The following PPP1R9B variants were observed in gnomAD, a reference collection of about 807,000 sequenced individuals.
The protein encoded by PPP1R9B is neurabin-2.
A neutral mutation model predicts 75.8 loss-of-function variants in PPP1R9B; 17 were observed. That is an observed-to-expected ratio of 0.22 (90% CI 0.15 to 0.34). The LOEUF (loss-of-function observed/expected upper bound fraction) is 0.34, where lower values mean the gene tolerates loss of function less well. Ranked by LOEUF, PPP1R9B falls within the 10% of genes least tolerant of loss-of-function variation. PPP1R9B has a pLI of 1.00. For synonymous variants in PPP1R9B, 509 were observed against 535.4 expected, an observed-to-expected ratio of 0.95 and a Z score of 0.68; for missense variants, 875 against 1,196.0, an observed-to-expected ratio of 0.73 and a Z score of 3.96.
chr17:50,140,343 A>T, intron 4 of PPP1R9B, 115 bp from the exon 5 acceptor site: 1 of 1,328,644 alleles, frequency 7.5e-7, no homozygotes, highest in Non-Finnish European at 1.0e-6. Flanking sequence ...GAGAGATGAG[A>T]GGGCTGAGTC....
At position 50,149,423 on chromosome 17, in the gene PPP1R9B, C is replaced by T. The variant is rs370046196; in HGVS notation, c.1091G>A (p.Arg364Lys). 2 of 1,610,104 alleles carry T rather than the reference C, an allele frequency of 1.2e-6. No individual in the cohort carries two copies. Among genetic ancestry groups the T allele is most frequent in the Admixed American group, 3.4e-5 (2 of 59,662 alleles). Reference protein sequence around the residue: ...KEAAAVAPPERGVGNGRAPDV... With the variant: ...KEAAAVAPPEKGVGNGRAPDV... ...CGGGGCCCGGCCATTGCCCACCCCC[C>T]TCTCTGGCGGCGCTACCGCCGCCGC... The change falls in exon 1 of 10, where the codon AGG (arginine) becomes AAG (lysine). Residue 364 changes from arginine to lysine, a missense_variant. Arg to Lys is a conservative substitution (Grantham distance 26, BLOSUM62 2). This residue lies in a region of PPP1R9B where 449 missense variants were observed against 475.0 expected (regional missense o/e 0.95). Transcript: ENST00000612501. This position sits in a 1 kb window ranked among gnomAD's most constrained non-coding sequence, Gnocchi z 7.2.
Position 50,149,548 on chromosome 17 carries a change from C to G in PPP1R9B, c.966G>C (p.Glu322Asp). ...ESAPGEVIQA[E>D]VTVHAALENG... Reference sequence around the variant, plus strand: ...TCTCCAGGGCCGCGTGGACCGTAACCTCGGCCTGGATCACCTCCCCGGGCG... The same window carrying G: ...TCTCCAGGGCCGCGTGGACCGTAACGTCGGCCTGGATCACCTCCCCGGGCG... Residue 322 changes from glutamate to aspartate, a missense_variant, in exon 1 of 10, where the codon GAG (glutamate) becomes GAC (aspartate). Around this residue, in one of 4 missense-constraint regions of PPP1R9B, gnomAD observed 449 missense variants for 475.0 expected, o/e 0.95. Coordinates refer to ENST00000612501, the MANE Select transcript of PPP1R9B (RefSeq NM_032595.5). This position sits in a 1 kb window ranked among gnomAD's most constrained non-coding sequence, Gnocchi z 7.2. The G allele has an allele frequency of 6.3e-7, 1 of 1,590,738 alleles. No homozygotes were observed. Among genetic ancestry groups the G allele is most frequent in the Non-Finnish European group, 8.5e-7 (1 of 1,171,022 alleles).
chr17:50,135,173 C>A lies in PPP1R9B; in HGVS notation c.*158G>T. 3.1e-6 allele frequency: 2 copies of A among 641,686 alleles called. No individual in the cohort carries two copies. Among genetic ancestry groups the A allele is most frequent in the South Asian group, 3.6e-5 (2 of 56,224 alleles). 39.7% of individuals were successfully genotyped at this position (641,686 alleles called of 1,614,324 possible). ...TCTTAAGGGGGCCTGTGATATGAGC[C>A]CTCTGGTCCCTGAAGCTGGGGGAGG... is the stretch of plus-strand genomic sequence containing the variant. On this transcript the variant is annotated 3_prime_UTR_variant, in exon 10 of 10. Transcript: ENST00000612501.
At chr17:50,140,414 A>T (rs1433717641) in intron 4 of PPP1R9B, 186 bp from the exon 5 acceptor site, 7 of 784,318 alleles carry the variant, frequency 8.9e-6, no homozygotes, top group Non-Finnish European at 1.4e-5. Context: ...TTTCCTTCCC[A>T]AGGGAGGCAG....
At chr17:50,141,512 A>C in intron 3 of PPP1R9B, 139 bp from the exon 4 acceptor site, 1 of 544,614 alleles carries the variant, frequency 1.8e-6, no homozygotes. Flanking sequence ...TAAAAAGAAA[A>C]ATTAGCTGGG....
Position 50,149,832 on chromosome 17 carries a change from G to A in PPP1R9B, c.682C>T (p.Pro228Ser), listed in dbSNP as rs1912636865. The change falls in exon 1 of 10, where the codon CCC (proline) becomes TCC (serine). Residue 228 changes from proline (P) to serine (S), a missense_variant. Pro to Ser is a moderately conservative substitution (Grantham distance 74, BLOSUM62 -1). Coordinates refer to ENST00000612501, the MANE Select transcript of PPP1R9B (RefSeq NM_032595.5). The surrounding 1 kb of genome is among the most constrained non-coding windows in gnomAD (Gnocchi z 7.2). ...ACCCCTGCGGCCCTGGGGAGCCCGGGCCCGCGGTGGAGGCCGGTCCTCGAG... is the reference window on the plus strand; with the variant it reads ...ACCCCTGCGGCCCTGGGGAGCCCGGACCCGCGGTGGAGGCCGGTCCTCGAG... The part of the protein sequence containing the change: ...ADSRTGLHRG[P>S]GLPRAAGVPQ... The A allele has an allele frequency of 1.4e-6, 2 of 1,464,538 alleles. No individual in the cohort carries two copies. The allele number at this position is 1,464,538 out of a possible 1,614,324, so 90.7% of individuals were successfully genotyped here.
intron 3 of PPP1R9B, 71 bp downstream of exon 3, chr17:50,143,527 T>A: frequency 6.4e-7 from 1 of 1,566,374 alleles, no homozygotes; most frequent in Non-Finnish European, 8.7e-7. Flanking sequence ...CCCTGCTCAG[T>A]GGCCCACCCC....
At position 50,141,301 on chromosome 17, in the gene PPP1R9B, C is replaced by T. The variant is rs545561188; in HGVS notation, c.1698G>A (p.Ala566=). Residue 566 remains alanine (A), a synonymous_variant, in exon 4 of 10, where the codon GCG becomes GCA. Coordinates refer to ENST00000612501, the MANE Select transcript of PPP1R9B (RefSeq NM_032595.5). ...SLVGVTQSFA[A]SVLRNTKGRV... ...GGCCCTTGGTGTTCCGGAGCACAGA[C>T]GCCGCGAAGCTCTGGGTCACTCCCA... is the stretch of plus-strand genomic sequence containing the variant. 40 of 1,590,424 alleles carry T rather than the reference C, an allele frequency of 2.5e-5. No individual in the cohort carries two copies. The highest frequency in any genetic ancestry group is 1.6e-4 in the Admixed American group (9 of 57,608).
intron 7 of PPP1R9B, among the ~76,000 whole-genome samples, chr17:50,136,658 T>TGTTCA (rs1475864748): frequency 6.6e-6 from 1 of 152,152 alleles, no homozygotes; most frequent in Non-Finnish European, 1.5e-5. Flanking sequence ...TCTGCACTTG[T>TGTTCA]GGCTTCCTGA....
chr17:50,144,537 C>T (rs2144451392), intron 2 of PPP1R9B, among the ~76,000 whole-genome samples: 1 of 152,312 alleles, frequency 6.6e-6, no homozygotes, highest in South Asian at 2.1e-4. Context: ...TGCAAGGCCT[C>T]ATTTGCATGC....
chr17:50,149,110 C>T lies in PPP1R9B; in HGVS notation c.1371+33G>A. The T allele has an allele frequency of 7.6e-7, 1 of 1,318,658 alleles. No individual in the cohort carries two copies. The highest frequency in any genetic ancestry group is 9.8e-7 in the Non-Finnish European group (1 of 1,021,688). 81.7% of individuals were successfully genotyped at this position (1,318,658 alleles called of 1,614,324 possible). On this transcript the variant is annotated intron_variant, in intron 1 of 9. Transcript: ENST00000612501. The surrounding 1 kb of genome is among the most constrained non-coding windows in gnomAD (Gnocchi z 7.2). ...GGCGGCCGCGTGCACGTGGCAGGGG[C>T]GGCGCGGGGGCAGGGCGGGGGGGCT...
rs577286176 is a variant in PPP1R9B at position 50,148,624 on chromosome 17, G to T, written c.1371+519C>A. 3.3e-5 allele frequency among the ~76,000 whole-genome samples: 5 copies of T among 152,348 alleles called. No homozygotes were observed. The South Asian group carries it at 1.0e-3, about 32-fold the overall frequency. On this transcript the variant is annotated intron_variant, in intron 1 of 9. Coordinates refer to ENST00000612501, the MANE Select transcript of PPP1R9B (RefSeq NM_032595.5). ...TGGGGGTACAAACAGAATAGAGGAA[G>T]GGCTGCCTGCGGTCCCCTGCAGCTT...
chr17:50,147,275 C>T (rs1912540330), intron 1 of PPP1R9B, among the ~76,000 whole-genome samples: 1 of 152,234 alleles, frequency 6.6e-6, no homozygotes, highest in African/African-American at 2.4e-5. Context: ...TCCCTGAGGC[C>T]AAGCTGGAAT....
chr17:50,150,498 G>A lies in PPP1R9B; in HGVS notation c.16C>T (p.Pro6Ser). 7.4e-7 allele frequency: 1 copy of A among 1,353,042 alleles called. No homozygotes were observed. Among genetic ancestry groups the A allele is most frequent in the East Asian group, 3.1e-5 (1 of 32,226 alleles). 83.8% of individuals were successfully genotyped at this position (1,353,042 alleles called of 1,614,324 possible). The stretch of plus-strand genomic sequence containing the variant: ...CGGAGGGGACCCCCGGGCCCCCGTG[G>A]CTCCGTCTTCATCATGGTGGGGGGA... MMKTE[P>S]RGPGGPLRSA... The change falls in exon 1 of 10, where the codon CCA becomes TCA. Residue 6 changes from proline to serine, a missense_variant. Around this residue, in one of 4 missense-constraint regions of PPP1R9B, gnomAD observed 145 missense variants for 226.1 expected, o/e 0.64. Coordinates refer to ENST00000612501, the MANE Select transcript of PPP1R9B (RefSeq NM_032595.5). This position sits in a 1 kb window ranked among gnomAD's most constrained non-coding sequence, Gnocchi z 8.7.
chr17:50,144,598 C>G (rs1912467596), intron 2 of PPP1R9B, among the ~76,000 whole-genome samples: 1 of 152,200 alleles, frequency 6.6e-6, no homozygotes, highest in African/African-American at 2.4e-5. Context: ...CCTGACTACT[C>G]CCCTAATTCC....
chr17:50,147,463 G>C (rs539297717), intron 1 of PPP1R9B, among the ~76,000 whole-genome samples: 1 of 152,298 alleles, frequency 6.6e-6, no homozygotes, highest in Non-Finnish European at 1.5e-5. Context: ...CAGCCACACT[G>C]GGCCCGCCAC....
intron 2 of PPP1R9B, 30 bp downstream of exon 2, chr17:50,145,083 C>A (rs151184270): frequency 1.2e-6 from 2 of 1,611,312 alleles, no homozygotes; most frequent in Admixed American, 3.3e-5. Flanking sequence ...CCCAGCTGTG[C>A]GCAAGTGACG....
At position 50,140,325 on chromosome 17, in the gene PPP1R9B, CA is replaced by C. The variant is rs1912341939; in HGVS notation, c.1731-98del. On this transcript the variant is annotated intron_variant, in intron 4 of 9. Coordinates refer to ENST00000612501, the MANE Select transcript of PPP1R9B (RefSeq NM_032595.5). ...TCCCCTCTCCAAACTCAGGCCCTCCCAGGGGAGGAGAGATGAGAGGGCTGAG... is the reference window on the plus strand; with the variant it reads ...TCCCCTCTCCAAACTCAGGCCCTCCCGGGGAGGAGAGATGAGAGGGCTGAG... 3.2e-5 allele frequency: 46 copies of C among 1,459,362 alleles called. 1 individual carries two copies. The South Asian group carries it at 6.0e-4, about 19-fold the overall frequency. 90.4% of individuals were successfully genotyped at this position (1,459,362 alleles called of 1,614,324 possible).
chr17:50,134,984 TC>T lies in PPP1R9B; in HGVS notation c.*346del. On this transcript the variant is annotated 3_prime_UTR_variant, in exon 10 of 10. Transcript: ENST00000612501. The stretch of plus-strand genomic sequence containing the variant: ...TGGGAGAGCCCCAGCCCCGTTCCAG[TC>T]CAGAGACAAAAGCTGGAGTGTGTAA... The T allele has an allele frequency of 3.3e-6, 1 of 302,152 alleles. No homozygotes were observed. The highest frequency in any genetic ancestry group is 6.4e-6 in the Non-Finnish European group (1 of 157,258). The allele number at this position is 302,152 out of a possible 1,614,324, so 18.7% of individuals were successfully genotyped here.
Sources: allele counts gnomAD v4.1 joint callset (sites outside exome capture counted in the v4.1 genomes callset), GRCh38; gene constraint gnomAD v4.1.1; regional missense constraint gnomAD v4.1.1; non-coding constraint Gnocchi (gnomAD v3.1); transcripts MANE v1.5; gene names NCBI Gene and HGNC (gene_info 2026-07-23, HGNC 2026-07-21).